CNBD1: variants seen among roughly 807,000 people sequenced by gnomAD.
CNBD1 encodes the protein cyclic nucleotide-binding domain-containing protein 1.
Under a neutral mutation model 54.4 loss-of-function variants are expected in CNBD1, and 71 were observed. The observed-to-expected ratio is 1.30, with a 90% CI of 1.08 to 1.59. The LOEUF (loss-of-function observed/expected upper bound fraction) is 1.59, where lower values mean the gene tolerates loss of function less well. Ranked by LOEUF, CNBD1 falls within the 40% of genes most tolerant of loss-of-function variation. The pLI, the probability that CNBD1 is intolerant of heterozygous loss-of-function variation, is 0.00. For synonymous variants in CNBD1, 182 were observed against 170.7 expected (o/e 1.07, Z -0.51); for missense variants, 659 against 518.0 (o/e 1.27, Z -2.64).
chr8:87,263,197 T>C (rs1808177148), intron 6 of CNBD1, among the ~76,000 whole-genome samples: 1 of 152,212 alleles, frequency 6.6e-6, no homozygotes, highest in Non-Finnish European at 1.5e-5. Context: ...TTTACTTTAG[T>C]GTCCTTGTCA....
At chr8:87,005,179 C>T (rs12676072) in intron 4 of CNBD1, among the ~76,000 whole-genome samples, 13 of 151,212 alleles carry the variant, frequency 8.6e-5, no homozygotes, top group Admixed American at 1.3e-4. Flanking sequence ...GTCAGGAGAT[C>T]GAGACCATGG....
intron 8 of CNBD1, among the ~76,000 whole-genome samples, chr8:87,337,063 G>A (rs1180952129): frequency 6.6e-6 from 1 of 152,052 alleles, no homozygotes; most frequent in Non-Finnish European, 1.5e-5. Flanking sequence ...AGCAAAGATG[G>A]GTGCCTGCTC....
chr8:87,203,367 T>C (rs942006432), intron 4 of CNBD1, among the ~76,000 whole-genome samples: 4 of 152,194 alleles, frequency 2.6e-5, no homozygotes, highest in African/African-American at 7.2e-5. Context: ...CAAATGATTT[T>C]TGTACCTAAC....
At position 87,158,800 on chromosome 8, in the gene CNBD1, C is replaced by A. The variant is rs546272369; in HGVS notation, c.432-47193C>A. On this transcript the variant is annotated intron_variant, in intron 4 of 10. Coordinates refer to ENST00000518476, the MANE Select transcript of CNBD1 (RefSeq NM_173538.3). ...TAAAGAATGTGAGCATGCTATCCAT[C>A]CAAGGGTTTATATAAACTACAAAGA... 2.0e-5 allele frequency among the ~76,000 whole-genome samples: 3 copies of A among 152,188 alleles called. No individual in the cohort carries two copies. The East Asian group carries it at 5.8e-4, about 29-fold the overall frequency.
At chr8:87,073,978 G>A (rs558707872) in intron 4 of CNBD1, among the ~76,000 whole-genome samples, 2 of 151,974 alleles carry the variant, frequency 1.3e-5, no homozygotes, top group South Asian at 2.1e-4. Context: ...GGTGGGCGCC[G>A]TAGTCCCAGC....
At chr8:87,387,949 A>T (rs543597429) in intron 2 of CNBD1, among the ~76,000 whole-genome samples, 1 of 152,294 alleles carries the variant, frequency 6.6e-6, no homozygotes, top group African/African-American at 2.4e-5. Context: ...GGATTAAGAA[A>T]CTGACTCAAA....
chr8:87,272,598 T>G (rs1808390847), intron 6 of CNBD1, among the ~76,000 whole-genome samples: 1 of 151,946 alleles, frequency 6.6e-6, no homozygotes, highest in Non-Finnish European at 1.5e-5. Context: ...TCTGTGATAT[T>G]AAGCTCCCAA....
At chr8:87,317,269 G>A (rs1318041666) in intron 8 of CNBD1, among the ~76,000 whole-genome samples, 1 of 151,490 alleles carries the variant, frequency 6.6e-6, no homozygotes, top group Non-Finnish European at 1.5e-5. Flanking sequence ...GCTTAAGGAA[G>A]TAGCTCAAGT....
chr8:87,203,833 G>C (rs997595218), intron 4 of CNBD1, among the ~76,000 whole-genome samples: 1 of 152,096 alleles, frequency 6.6e-6, no homozygotes, highest in South Asian at 2.1e-4. Context: ...GCCAGGAATA[G>C]GCTATTACAA....
intron 6 of CNBD1, among the ~76,000 whole-genome samples, chr8:87,256,104 C>A (rs1419976934): frequency 1.4e-5 from 2 of 139,538 alleles, no homozygotes; most frequent in African/African-American, 2.7e-5. Context: ...CTCACTGCAA[C>A]CTCTACCTCC....
intron 5 of CNBD1, among the ~76,000 whole-genome samples, chr8:87,235,948 A>G (rs920466022): frequency 2.0e-5 from 3 of 152,140 alleles, no homozygotes; most frequent in Non-Finnish European, 4.4e-5. Flanking sequence ...AAGAAGCATG[A>G]AAATCACTCC....
chr8:87,309,645 T>C (rs1373796201), intron 8 of CNBD1, among the ~76,000 whole-genome samples: 2 of 152,146 alleles, frequency 1.3e-5, no homozygotes, highest in African/African-American at 4.8e-5. Flanking sequence ...TGTGTGTCTG[T>C]ATCTATATCT....
At chr8:87,230,431 A>G (rs1814654996) in intron 5 of CNBD1, among the ~76,000 whole-genome samples, 1 of 152,200 alleles carries the variant, frequency 6.6e-6, no homozygotes, top group African/African-American at 2.4e-5. Context: ...TTTTATACAT[A>G]CACATCACTA....
chr8:87,428,563 A>T lies in CNBD1; in HGVS notation c.232A>T (p.Lys78Ter), dbSNP rs538576373. 6.6e-6 allele frequency: 3 copies of T among 453,834 alleles called. No individual in the cohort carries two copies. Among genetic ancestry groups the T allele is most frequent in the Non-Finnish European group, 1.3e-5 (3 of 225,918 alleles). 28.1% of individuals were successfully genotyped at this position (453,834 alleles called of 1,614,324 possible). A position where few individuals can be genotyped will look rare whatever the true frequency, so the allele number is the denominator to read the frequency against. ...TCATCTAGAATTAGACCCAGTGACC[A>T]AGCAACTTATGCTCCAAACAGCTAA... The change falls in exon 3 of 8, where the codon AAG (lysine) becomes TAG (stop). Residue 78 changes from lysine to a stop codon, truncating the protein, a stop_gained. Transcript: ENST00000521593. LOFTEE classifies it high-confidence loss of function.
At chr8:87,258,207 T>A (rs923716856) in intron 6 of CNBD1, among the ~76,000 whole-genome samples, 2 of 152,212 alleles carry the variant, frequency 1.3e-5, no homozygotes, top group South Asian at 4.1e-4. Context: ...ATATGTTAAA[T>A]GTTTAAAACA....
intron 1 of CNBD1, 93 bp downstream of exon 1, chr8:86,866,676 G>C (rs1243419814): frequency 1.1e-6 from 1 of 872,442 alleles, no homozygotes; most frequent in East Asian, 2.6e-5. Flanking sequence ...TTTCAGGGTT[G>C]ATAGGGACAT....
At chr8:87,168,002 G>T (rs2130765617) in intron 4 of CNBD1, among the ~76,000 whole-genome samples, 1 of 152,052 alleles carries the variant, frequency 6.6e-6, no homozygotes, top group Non-Finnish European at 1.5e-5. Context: ...TAACACAATG[G>T]TAAGTATTTA....
At chr8:87,181,879 C>T (rs542329942) in intron 4 of CNBD1, among the ~76,000 whole-genome samples, 20 of 151,986 alleles carry the variant, frequency 1.3e-4, no homozygotes, top group East Asian at 1.9e-4. Context: ...AATTGGTTTA[C>T]GTGGTATTTA....
intron 8 of CNBD1, among the ~76,000 whole-genome samples, chr8:87,306,210 C>G (rs1809140465): frequency 6.6e-6 from 1 of 152,072 alleles, no homozygotes; most frequent in Admixed American, 6.6e-5. Context: ...GCGATACCAC[C>G]TCACTCCTGC....
Sources: allele counts gnomAD v4.1 joint callset (sites outside exome capture counted in the v4.1 genomes callset), GRCh38; gene constraint gnomAD v4.1.1; transcripts MANE v1.5; gene names NCBI Gene and HGNC (gene_info 2026-07-23, HGNC 2026-07-21).